ROBO4: variants seen among roughly 807,000 people sequenced by gnomAD.
The protein encoded by ROBO4 is roundabout guidance receptor 4.
Under a neutral mutation model 103.3 loss-of-function variants are expected in ROBO4, and 80 were observed. The observed-to-expected ratio is 0.77, with a 90% confidence interval of 0.65 to 0.93. ROBO4 has a LOEUF of 0.93. Ranked by LOEUF, ROBO4 falls within the 40% of genes least tolerant of loss-of-function variation. The pLI, the probability that ROBO4 is intolerant of heterozygous loss-of-function variation, is 0.00. For synonymous variants in ROBO4, 504 were observed against 529.7 expected (o/e 0.95, Z 0.67); for missense variants, 1,333 against 1,305.3 (o/e 1.02, Z -0.33).
intron 8 of ROBO4, 21 bp downstream of exon 8, chr11:124,894,180 G>T (rs1368735234): frequency 2.5e-6 from 4 of 1,598,066 alleles, no homozygotes; most frequent in Non-Finnish European, 3.4e-6. Flanking sequence ...GGTAGGGTGG[G>T]TCTGTGGGCA....
chr11:124,887,458 G>A lies in ROBO4; in HGVS notation c.2098C>T (p.Pro700Ser). 1.9e-6 allele frequency: 3 copies of A among 1,614,000 alleles called. No individual in the cohort carries two copies. Among genetic ancestry groups the A allele is most frequent in the Non-Finnish European group, 2.5e-6 (3 of 1,179,970 alleles). The change falls in exon 14 of 18, where the codon CCG (proline) becomes TCG (serine). Residue 700 changes from proline to serine, a missense_variant. Transcript: ENST00000306534. ...QALVAWRALG[P>S]KLLSSSNELV... ...TCATTTGAGGAGCTGAGGAGTTTCG[G>A]TCCCAGGGCCCGCCAGGCAACCAGA...
At chr11:124,886,900 G>A in intron 15 of ROBO4, 77 bp downstream of exon 15, 2 of 1,537,036 alleles carry the variant, frequency 1.3e-6, no homozygotes, top group Non-Finnish European at 1.8e-6. Flanking sequence ...CCCAGTTGAG[G>A]GAGGGCGGAA....
chr11:124,895,963 C>A lies in ROBO4; in HGVS notation c.680-51G>T, dbSNP rs750687663. On this transcript the variant is annotated intron_variant, in intron 4 of 17. Transcript: ENST00000306534. ...GGGCTTATAGGCCAGAGTGACAGAACTGAGGCGTGGAACATCCCTCAGCCA... is the reference window on the plus strand; with the variant it reads ...GGGCTTATAGGCCAGAGTGACAGAAATGAGGCGTGGAACATCCCTCAGCCA... The A allele has an allele frequency of 1.1e-5, 17 of 1,607,726 alleles. 1 individual carries two copies. In the South Asian group the frequency reaches 1.9e-4, roughly 18 times the overall value.
intron 8 of ROBO4, 50 bp from the exon 9 acceptor site, chr11:124,894,095 C>T: frequency 3.2e-6 from 5 of 1,544,006 alleles, no homozygotes; most frequent in Non-Finnish European, 3.5e-6. Flanking sequence ...GCATTGAGGG[C>T]CTGGCAGGCA....
chr11:124,886,933 C>G (rs1946723582), intron 15 of ROBO4, 44 bp downstream of exon 15: 1 of 1,569,308 alleles, frequency 6.4e-7, no homozygotes. Flanking sequence ...CGCTTGCCCC[C>G]ACAGCTTTTC....
In ROBO4 at chr11:124,897,223, G is replaced by T; in HGVS notation, c.109C>A (p.His37Asn). 6.8e-7 allele frequency: 1 copy of T among 1,475,704 alleles called. No homozygotes were observed. The allele number at this position is 1,475,704 out of a possible 1,614,324, so 91.4% of individuals were successfully genotyped here. Reference protein sequence around the residue: ...AQDSPPQILVHPQDQLFQGPG... With the variant: ...AQDSPPQILVNPQDQLFQGPG... Reference sequence around the variant, plus strand: ...CCCTGGAACAGCTGGTCCTGGGGGTGGACTAGGATCTGGGGCGGGGAGTCC... The same window carrying T: ...CCCTGGAACAGCTGGTCCTGGGGGTTGACTAGGATCTGGGGCGGGGAGTCC... Residue 37 changes from histidine to asparagine, a missense_variant, in exon 2 of 18, where the codon CAC becomes AAC. Physicochemically the swap from His to Asn is moderately conservative, Grantham distance 68. Transcript: ENST00000306534.
chr11:124,891,540 G>A lies in ROBO4; in HGVS notation c.1707C>T (p.Ser569=), dbSNP rs780491721. The change falls in exon 12 of 18, where the codon AGC becomes AGT. Residue 569 remains serine, a synonymous_variant. Transcript: ENST00000306534. The part of the protein sequence containing the change: ...RRSLLSWDSR[S]PGVPLLPDTS... ...TGTCTGGAAGCAGGGGCACGCCGGG[G>A]CTTCGGGAGTCCCAGGAGAGCACTG... 3 of 1,614,220 alleles carry A rather than the reference G, an allele frequency of 1.9e-6. No homozygotes were observed. In the South Asian group the frequency reaches 3.3e-5, roughly 18 times the overall value.
At chr11:124,893,571 C>A in intron 10 of ROBO4, 117 bp downstream of exon 10, 1 of 873,174 alleles carries the variant, frequency 1.1e-6, no homozygotes, top group Non-Finnish European at 2.0e-6. Flanking sequence ...AGGAGAGATT[C>A]ATGTACGACA....
At position 124,887,137 on chromosome 11, in the gene ROBO4, G is replaced by C. The variant is rs201157134; in HGVS notation, c.2275C>G (p.Pro759Ala). The change falls in exon 15 of 18, where the codon CCC (proline) becomes GCC (alanine). Residue 759 changes from proline (P) to alanine (A), a missense_variant. By Grantham distance (27) the Pro-to-Ala change is conservative. Transcript: ENST00000306534. ...AGGGAAGAGGCCTGGGGGCTAGGGGGACTGCAGGGGCTAAGGATGGGGATG... is the reference window on the plus strand; with the variant it reads ...AGGGAAGAGGCCTGGGGGCTAGGGGCACTGCAGGGGCTAAGGATGGGGATG... ...APIPILSPCS[P>A]PSPQASSLSG... The C allele has an allele frequency of 6.2e-7, 1 of 1,612,952 alleles. No homozygotes were observed. Among genetic ancestry groups the C allele is most frequent in the Admixed American group, 1.7e-5 (1 of 59,934 alleles).
intron 12 of ROBO4, 51 bp downstream of exon 12, chr11:124,891,248 C>G: frequency 1.3e-6 from 2 of 1,495,778 alleles, no homozygotes; most frequent in South Asian, 1.5e-5. Context: ...ATTCCCATTC[C>G]TGGGCCCGCC....
chr11:124,892,135 A>G (rs1042090275), intron 10 of ROBO4: 7 of 519,058 alleles, frequency 1.3e-5, no homozygotes, highest in Non-Finnish European at 2.2e-5. Context: ...TAGCTTGGGT[A>G]AGTACATCTG....
intron 16 of ROBO4, 27 bp from the exon 17 acceptor site, chr11:124,885,274 G>A (rs1276719652): frequency 6.3e-7 from 1 of 1,592,702 alleles, no homozygotes; most frequent in Admixed American, 1.7e-5. Context: ...AGGTGTCTGT[G>A]GGAGGTTGAC....
In ROBO4 at chr11:124,894,031, G is replaced by T. The variant is rs749483884; in HGVS notation, c.1333C>A (p.Arg445=). ...VCLLLEQAME[R]ATQEPSEHGP... is the part of the protein sequence containing the mutation. Reference sequence around the variant, plus strand: ...TGCTCACTGGGTTCTTGGGTGGCTCGCTCCATGGCCTGCTCTGTATGGGAT... The same window carrying T: ...TGCTCACTGGGTTCTTGGGTGGCTCTCTCCATGGCCTGCTCTGTATGGGAT... The change falls in exon 9 of 18, where the codon CGA becomes AGA. Residue 445 remains arginine, a synonymous_variant. Coordinates refer to ENST00000306534, the MANE Select transcript of ROBO4 (RefSeq NM_019055.6). 2 of 1,550,868 alleles carry T rather than the reference G, an allele frequency of 1.3e-6. No individual in the cohort carries two copies. The highest frequency in any genetic ancestry group is 8.7e-7 in the Non-Finnish European group (1 of 1,148,802).
Position 124,897,172 on chromosome 11 carries a change from G to A in ROBO4, c.160C>T (p.Gln54Ter), listed in dbSNP as rs942715786. ...GTGGGAGGTGGCTGGCCTGAGGCTTGGCAGCTCATCCTGGCAGGGCCAGGG... is the reference window on the plus strand; with the variant it reads ...GTGGGAGGTGGCTGGCCTGAGGCTTAGCAGCTCATCCTGGCAGGGCCAGGG... ...QGPGPARMSC[Q>*]ASGQPPPTIR... Residue 54 changes from glutamine to a stop codon, truncating the protein, a stop_gained, in exon 2 of 18, where the codon CAA becomes TAA. Coordinates refer to ENST00000306534, the MANE Select transcript of ROBO4 (RefSeq NM_019055.6). LOFTEE classifies it high-confidence loss of function. The A allele has an allele frequency of 1.3e-6, 2 of 1,538,442 alleles. No individual in the cohort carries two copies. Among genetic ancestry groups the A allele is most frequent in the Middle Eastern group, 1.8e-4 (1 of 5,688 alleles).
Position 124,887,513 on chromosome 11 carries a change from G to A in ROBO4, c.2057-14C>T, listed in dbSNP as rs371203796. 1 of 1,613,190 alleles carries A rather than the reference G, an allele frequency of 6.2e-7. No homozygotes were observed. Among genetic ancestry groups the A allele is most frequent in the Non-Finnish European group, 8.5e-7 (1 of 1,179,928 alleles). On this transcript the variant is annotated splice_polypyrimidine_tract_variant and intron_variant, in intron 13 of 17. Coordinates refer to ENST00000306534, the MANE Select transcript of ROBO4 (RefSeq NM_019055.6). ...GGGGCACAGCTCCTGGGGAAGAGAA[G>A]CCTGGGTGTGAGAACAGTGGCATCC...
Position 124,886,789 on chromosome 11 carries a change from T to C in ROBO4, c.2469A>G (p.Ser823=). 1.3e-6 allele frequency: 2 copies of C among 1,537,466 alleles called. No individual in the cohort carries two copies. Among genetic ancestry groups the C allele is most frequent in the South Asian group, 1.3e-5 (1 of 78,720 alleles). The change falls in exon 16 of 18, where the codon TCA becomes TCG. Residue 823 remains serine (S), a synonymous_variant. Transcript: ENST00000306534. ...TGATGTACCCATAGGTGGTGGGGGG[T>C]GAAGGAGCCCTTGGCATGGGAGAGA... ...NSVSPMPRAP[S]PPTTYGYISV...
Position 124,897,470 on chromosome 11 carries a change from G to GCTCT in ROBO4, c.71-213_71-210dup, listed in dbSNP as rs10553259. On this transcript the variant is annotated intron_variant, in intron 1 of 17. Transcript: ENST00000306534. ...AGGCCAGGGCTTGCATAGCATGTTC[G>GCTCT]CTCTCTCTCTCTCTCTCTCTCTCTT... 3.1e-3 allele frequency: 1,579 copies of GCTCT among 507,760 alleles called. 1 individual carries two copies. The highest frequency in any genetic ancestry group is 8.5e-3 in the Middle Eastern group (20 of 2,366). 31.5% of individuals were successfully genotyped at this position (507,760 alleles called of 1,614,324 possible).
chr11:124,886,763 C>T lies in ROBO4; in HGVS notation c.2495G>A (p.Ser832Asn). 6.4e-7 allele frequency: 1 copy of T among 1,567,904 alleles called. No individual in the cohort carries two copies. The highest frequency in any genetic ancestry group is 1.2e-5 in the South Asian group (1 of 83,084). ...CGTGAACTCTGAGGCTGTTGGGACG[C>T]TGATGTACCCATAGGTGGTGGGGGG... Reference protein sequence around the residue: ...PSPPTTYGYISVPTASEFTDM... With the variant: ...PSPPTTYGYINVPTASEFTDM... Residue 832 changes from serine to asparagine, a missense_variant, in exon 16 of 18, where the codon AGC becomes AAC. Physicochemically the swap from Ser to Asn is conservative, Grantham distance 46 (BLOSUM62 1). Coordinates refer to ENST00000306534, the MANE Select transcript of ROBO4 (RefSeq NM_019055.6).
In ROBO4 at chr11:124,897,753, G is replaced by T. The variant is rs1261000653; in HGVS notation, c.43C>A (p.Leu15Met). The change falls in exon 1 of 18, where the codon CTG (leucine) becomes ATG (methionine). Residue 15 changes from leucine to methionine, a missense_variant. Physicochemically the swap from Leu to Met is conservative, Grantham distance 15. Coordinates refer to ENST00000306534, the MANE Select transcript of ROBO4 (RefSeq NM_019055.6). ...ATGATGAGCAGGAGCAGCAGAGGCA[G>T]GGAACCCCTGCCCCCCAGGAGGCTG... ...GDSLLGGRGS[L>M]PLLLLLIMGG... The T allele has an allele frequency of 6.2e-7, 1 of 1,614,034 alleles. No homozygotes were observed.
Sources: gnomAD v4.1 joint callset for allele counts on GRCh38, gnomAD v4.1.1 for gene constraint, MANE v1.5 for transcripts, NCBI Gene and HGNC (gene_info 2026-07-23, HGNC 2026-07-21) for gene names.